The following HNRNPA3 variants were observed in gnomAD, a reference collection of about 807,000 sequenced individuals.
The protein encoded by HNRNPA3 is heterogeneous nuclear ribonucleoprotein A3.
In HNRNPA3, 3 loss-of-function variants were observed where a neutral mutation model predicts 45.8. The observed-to-expected ratio is 0.07, with a 90% CI of 0.03 to 0.17. The LOEUF is 0.17. Among genes scored for constraint, HNRNPA3 ranks in the 10% least tolerant of loss-of-function variants. The pLI is 1.00. For missense variants in HNRNPA3, 183 were observed against 480.3 expected (o/e 0.38, Z 5.79); for synonymous variants, 170 against 155.6 (o/e 1.09, Z -0.69).
chr2:177,223,478 A>G (rs775994834), downstream of HNRNPA3: 8 of 151,760 alleles, frequency 5.3e-5, no homozygotes, highest in Admixed American at 3.9e-4. Context: ...TACTGCTTCT[A>G]ATATTACACT....
At chr2:177,216,649 T>TA (rs777979365) in intron 5 of HNRNPA3, 27 bp from the exon 6 acceptor site, 5 of 1,613,800 alleles carry the variant, frequency 3.1e-6, no homozygotes, top group Admixed American at 1.7e-5. Context: ...GTAAGGTTCT[T>TA]AAAAATCTCC....
chr2:177,213,241 C>T (rs1470332222), intron 1 of HNRNPA3, among the ~76,000 whole-genome samples: 1 of 152,170 alleles, frequency 6.6e-6, no homozygotes, highest in African/African-American at 2.4e-5. Context: ...TCCGGGCGAG[C>T]GAGCAAGCGG....
chr2:177,221,408 ATTGT>A (rs989599755), downstream of HNRNPA3: 42 of 152,608 alleles, frequency 2.8e-4, no homozygotes, highest in South Asian at 2.1e-4. Flanking sequence ...TGTTTGTGAA[ATTGT>A]TTGACACAAC....
chr2:177,215,671 T>C lies in HNRNPA3; in HGVS notation c.195+10T>C. 6 of 1,613,922 alleles carry C rather than the reference T, an allele frequency of 3.7e-6. No individual in the cohort carries two copies. The highest frequency in any genetic ancestry group is 5.1e-6 in the Non-Finnish European group (6 of 1,179,854). The stretch of plus-strand genomic sequence containing the variant: ...ACTCACAGATTGTGTGGTAAGTTAC[T>C]AAGAGAACAGAAGGGTTCTAAGGGG... On this transcript the variant is annotated intron_variant, in intron 2 of 10. Coordinates refer to ENST00000392524, the Ensembl canonical transcript of HNRNPA3.
At chr2:177,216,996 AATT>A in intron 7 of HNRNPA3, 56 bp downstream of exon 7, 1 of 1,393,972 alleles carries the variant, frequency 7.2e-7, no homozygotes, top group Non-Finnish European at 9.6e-7. Flanking sequence ...ACTTATTGAA[AATT>A]ATTTATTACA....
At chr2:177,219,140 C>T in exon 9 of HNRNPA3, 1 of 1,614,066 alleles carries the variant, frequency 6.2e-7, no homozygotes, top group Non-Finnish European at 8.5e-7. Flanking sequence ...GTGGAAGAAG[C>T]TCGGGCAGTC....
intron 7 of HNRNPA3, 93 bp downstream of exon 7, chr2:177,217,033 T>A (rs962063475): frequency 1.0e-5 from 13 of 1,274,726 alleles, no homozygotes; most frequent in Non-Finnish European, 1.4e-5. Flanking sequence ...AGTTAAAACT[T>A]CAGTGGCTAA....
chr2:177,220,875 T>C (rs1689162541), downstream of HNRNPA3: 1 of 152,638 alleles, frequency 6.6e-6, no homozygotes, highest in Non-Finnish European at 1.5e-5. Context: ...AGCTAGTGCT[T>C]ACAGTTTCAT....
At chr2:177,223,642 A>G (rs1266531342), downstream of HNRNPA3, 1 of 152,242 alleles carries the variant, frequency 6.6e-6, no homozygotes, top group African/African-American at 2.4e-5. Context: ...GAGTTCCAGT[A>G]ATGTCACAAA....
At chr2:177,217,648 A>G (rs543515192) in intron 7 of HNRNPA3, 57 bp from the exon 8 acceptor site, 2 of 1,604,362 alleles carry the variant, frequency 1.2e-6, no homozygotes, top group Admixed American at 1.7e-5. Context: ...CCAGAATTGA[A>G]TAACGTGACT....
intron 7 of HNRNPA3, among the ~76,000 whole-genome samples, chr2:177,217,495 T>G (rs1001152069): frequency 3.9e-5 from 6 of 152,282 alleles, no homozygotes; most frequent in African/African-American, 1.2e-4. Context: ...GGGAACATGG[T>G]GGCACATGCC....
chr2:177,223,309 T>C (rs1689268477), downstream of HNRNPA3: 1 of 152,136 alleles, frequency 6.6e-6, no homozygotes, highest in Non-Finnish European at 1.5e-5. Context: ...TTCTAGTTTA[T>C]TTCTTTTTAT....
intron 7 of HNRNPA3, 76 bp from the exon 8 acceptor site, chr2:177,217,629 A>C: frequency 6.4e-7 from 1 of 1,561,912 alleles, no homozygotes; most frequent in Non-Finnish European, 8.8e-7. Flanking sequence ...CCAGTCTCTT[A>C]CACACACACC....
Position 177,219,229 on chromosome 2 carries a change from T to TA in HNRNPA3, c.1085-17dup. ...AAAAATGTGCATACTTCTTTTAAAA[T>TA]ACTATGTATATTTTCAGGTGGTTAT... is the stretch of plus-strand genomic sequence containing the variant. On this transcript the variant is annotated splice_polypyrimidine_tract_variant and intron_variant, in intron 9 of 10. Transcript: ENST00000392524. 2 of 1,612,470 alleles carry TA rather than the reference T, an allele frequency of 1.2e-6. No individual in the cohort carries two copies. The highest frequency in any genetic ancestry group is 1.7e-6 in the Non-Finnish European group (2 of 1,179,418).
At chr2:177,213,106 C>G (rs1035066142) in intron 1 of HNRNPA3, among the ~76,000 whole-genome samples, 6 of 152,086 alleles carry the variant, frequency 3.9e-5, no homozygotes, top group Admixed American at 2.6e-4. Context: ...GTCGGGGAGG[C>G]CTCGGGAGGG....
chr2:177,220,174 A>G (rs1011230237), downstream of HNRNPA3: 9 of 152,632 alleles, frequency 5.9e-5, no homozygotes, highest in Non-Finnish European at 1.2e-4. Context: ...TAATCATATG[A>G]TTTTAGTGTG....
At chr2:177,221,473 TTC>T (rs1281282229), downstream of HNRNPA3, 2 of 152,680 alleles carry the variant, frequency 1.3e-5, no homozygotes, top group African/African-American at 4.8e-5. Context: ...TTAACCAACT[TTC>T]TATGTTCTGG....
downstream of HNRNPA3, chr2:177,222,481 C>T (rs1689224062): frequency 1.3e-5 from 2 of 152,128 alleles, no homozygotes; most frequent in African/African-American, 4.8e-5. Flanking sequence ...GCTGCCCATC[C>T]TCATACTAGG....
intron 1 of HNRNPA3, among the ~76,000 whole-genome samples, chr2:177,213,795 C>G (rs916043187): frequency 6.6e-6 from 1 of 152,362 alleles, no homozygotes; most frequent in Admixed American, 6.5e-5. Flanking sequence ...TGAGTCGGCT[C>G]TGGTTGTAGT....
Sources: gnomAD v4.1 joint callset for allele counts (sites outside exome capture counted in the v4.1 genomes callset) on GRCh38, gnomAD v4.1.1 for gene constraint, MANE v1.5 for transcripts, NCBI Gene and HGNC (gene_info 2026-07-23, HGNC 2026-07-21) for gene names.